Variants in FREM1 observed in about 807,000 individuals in gnomAD.
The protein encoded by FREM1 is FRAS1-related extracellular matrix protein 1.
Under a neutral mutation model 210.1 loss-of-function variants are expected in FREM1, and 220 were observed. The ratio of observed to expected loss-of-function variants is 1.05; its 90% CI spans 0.94 to 1.17. The LOEUF (loss-of-function observed/expected upper bound fraction) is 1.17, where lower values mean the gene tolerates loss of function less well. Among genes scored for constraint, FREM1 ranks in the 50% most tolerant of loss-of-function variants. FREM1 has a pLI of 0.00. For synonymous variants in FREM1, 1,189 were observed against 980.2 expected (o/e 1.21, Z -3.98); for missense variants, 3,454 against 2,675.5 (o/e 1.29, Z -6.42).
At chr9:14,884,915 CTTTTTTTTTT>C (rs745465527) in intron 1 of FREM1, among the ~76,000 whole-genome samples, 1 of 70,408 alleles carries the variant, frequency 1.4e-5, no homozygotes. Flanking sequence ...TTCATCATAG[CTTTTTTTTTT>C]TTTTTTTTTT....
chr9:14,860,874 CGT>C (rs1491246233), intron 3 of FREM1, among the ~76,000 whole-genome samples: 2 of 49,022 alleles, frequency 4.1e-5, no homozygotes, highest in Non-Finnish European at 7.1e-5. Context: ...CATATATATA[CGT>C]ATATATACAC....
chr9:14,805,329 G>A (rs1312315792), intron 18 of FREM1, among the ~76,000 whole-genome samples, 177 bp from the exon 19 acceptor site: 1 of 152,154 alleles, frequency 6.6e-6, no homozygotes, highest in Admixed American at 6.5e-5. Context: ...CAACATAAAG[G>A]CAGATATCCA....
At position 14,859,367 on chromosome 9, in the gene FREM1, G is replaced by A; in HGVS notation, c.447C>T (p.Gly149=). The A allele has an allele frequency of 6.2e-7, 1 of 1,613,918 alleles. No individual in the cohort carries two copies. Among genetic ancestry groups the A allele is most frequent in the South Asian group, 1.1e-5 (1 of 91,076 alleles). The change falls in exon 4 of 37, where the codon GGC becomes GGT. Residue 149 remains glycine, a synonymous_variant. Coordinates refer to ENST00000380880, the MANE Select transcript of FREM1 (RefSeq NM_001379081.2). ...NNVLEVPEFN[G]LSQAIDKNLL... ...GATTTTTATCAATCGCTTGGGACAA[G>A]CCATTGAATTCAGGCACCTCCAGCA...
intron 1 of FREM1, among the ~76,000 whole-genome samples, chr9:14,878,994 TA>T (rs1258016536): frequency 6.6e-6 from 1 of 151,856 alleles, no homozygotes; most frequent in African/African-American, 2.4e-5. Context: ...CTGTCTCTAC[TA>T]AAAATATGAA....
chr9:14,836,884 G>A lies in FREM1; in HGVS notation c.1881+4563C>T, dbSNP rs1258226529. Among the ~76,000 whole-genome samples the A allele has an allele frequency of 1.3e-5, 2 of 152,178 alleles. No individual in the cohort carries two copies. Among genetic ancestry groups the A allele is most frequent in the East Asian group, 1.9e-4 (1 of 5,194 alleles). The stretch of plus-strand genomic sequence containing the variant: ...TGATATTGCCGCAGGGAGGAATGTG[G>A]TAGGAGTTATTAAGAAAAAGAAATT... On this transcript the variant is annotated intron_variant, in intron 10 of 36. Coordinates refer to ENST00000380880, the MANE Select transcript of FREM1 (RefSeq NM_001379081.2). The surrounding 1 kb of genome is among the most constrained non-coding windows in gnomAD (Gnocchi z 4.9).
At chr9:14,821,627 G>A (rs1323420556) in intron 13 of FREM1, among the ~76,000 whole-genome samples, 2 of 152,208 alleles carry the variant, frequency 1.3e-5, no homozygotes, top group Non-Finnish European at 2.9e-5. Flanking sequence ...TCAAAGAATG[G>A]AGTTAGTTTA....
chr9:14,896,840 C>T (rs1325974143), intron 1 of FREM1, among the ~76,000 whole-genome samples: 7 of 152,230 alleles, frequency 4.6e-5, no homozygotes, highest in Admixed American at 6.5e-5. Context: ...TGAAACACTT[C>T]ATTGTGAAAA....
chr9:14,737,485 A>G lies in FREM1; in HGVS notation c.6451T>C (p.Cys2151Arg). The G allele has an allele frequency of 1.2e-6, 2 of 1,613,834 alleles. No homozygotes were observed. The highest frequency in any genetic ancestry group is 1.7e-6 in the Non-Finnish European group (2 of 1,179,796). ...PSQRSKLGKS[C>R]VLVQRQGKWQ... Reference sequence around the variant, plus strand: ...TTCCCTTGTCTTTGAACCAAAACACAGCTCTTTCCAAGCTTGGAGCGTTGA... The same window carrying G: ...TTCCCTTGTCTTTGAACCAAAACACGGCTCTTTCCAAGCTTGGAGCGTTGA... Residue 2151 changes from cysteine to arginine, a missense_variant, in exon 37 of 37, where the codon TGT (cysteine) becomes CGT (arginine). Transcript: ENST00000380880.
At chr9:14,857,473 G>A (rs536440955) in intron 5 of FREM1, 80 bp downstream of exon 5, 3 of 1,193,628 alleles carry the variant, frequency 2.5e-6, no homozygotes, top group East Asian at 2.3e-5. Context: ...CCTGGCATGG[G>A]GGCGAGCATG....
chr9:14,805,054 C>G lies in FREM1; in HGVS notation c.3373G>C (p.Val1125Leu), dbSNP rs367677115. The G allele has an allele frequency of 1.9e-6, 3 of 1,613,002 alleles. No individual in the cohort carries two copies. Among genetic ancestry groups the G allele is most frequent in the Non-Finnish European group, 2.5e-6 (3 of 1,179,034 alleles). ...AAGGAGTGATGCTTCCCATCTGTGACGTACACCGTGAACTGGTCGGCAGTT... is the reference window on the plus strand; with the variant it reads ...AAGGAGTGATGCTTCCCATCTGTGAGGTACACCGTGAACTGGTCGGCAGTT... ...EPTADQFTVY[V>L]TDGKHHSLEI... Residue 1125 changes from valine (V) to leucine (L), a missense_variant, in exon 19 of 37, where the codon GTC (valine) becomes CTC (leucine). By Grantham distance (32) the Val-to-Leu change is conservative. Coordinates refer to ENST00000380880, the MANE Select transcript of FREM1 (RefSeq NM_001379081.2).
At chr9:14,849,765 A>T (rs1342256736) in intron 6 of FREM1, among the ~76,000 whole-genome samples, 1 of 152,204 alleles carries the variant, frequency 6.6e-6, no homozygotes, top group Non-Finnish European at 1.5e-5. Context: ...GAAAAAATTG[A>T]GAGTTACTGT....
At chr9:14,876,003 C>T (rs557124217) in intron 1 of FREM1, among the ~76,000 whole-genome samples, 6 of 152,166 alleles carry the variant, frequency 3.9e-5, no homozygotes, top group Non-Finnish European at 7.3e-5. Flanking sequence ...TTTCGTGAAC[C>T]GCAAATGCTG....
At chr9:14,846,268 C>G (rs559821074) in intron 7 of FREM1, among the ~76,000 whole-genome samples, 177 bp from the exon 8 acceptor site, 92 of 152,218 alleles carry the variant, frequency 6.0e-4, no homozygotes, top group African/African-American at 2.2e-3. Flanking sequence ...AACAGAAAAC[C>G]AAACACCACA....
intron 15 of FREM1, 139 bp downstream of exon 15, chr9:14,816,639 C>A: frequency 2.4e-6 from 1 of 424,532 alleles, no homozygotes; most frequent in Non-Finnish European, 4.1e-6. Context: ...TGCAGCTACC[C>A]AATCTTAGAC....
chr9:14,855,784 A>G (rs1828623404), intron 5 of FREM1, among the ~76,000 whole-genome samples: 1 of 152,188 alleles, frequency 6.6e-6, no homozygotes, highest in Non-Finnish European at 1.5e-5. Flanking sequence ...TAAACTCCCA[A>G]TAAAACAGAT....
intron 25 of FREM1, among the ~76,000 whole-genome samples, chr9:14,772,579 T>C (rs1311979924): frequency 3.3e-5 from 5 of 152,248 alleles, no homozygotes; most frequent in Non-Finnish European, 7.3e-5. Context: ...TCTTGTAGTT[T>C]ATGAATTATT....
Position 14,812,825 on chromosome 9 carries a change from T to C in FREM1, c.2880A>G (p.Thr960=). 1 of 1,609,552 alleles carries C rather than the reference T, an allele frequency of 6.2e-7. No homozygotes were observed. The highest frequency in any genetic ancestry group is 8.5e-7 in the Non-Finnish European group (1 of 1,177,170). The change falls in exon 16 of 37, where the codon ACA becomes ACG. Residue 960 remains threonine (T), a synonymous_variant. Coordinates refer to ENST00000380880, the MANE Select transcript of FREM1 (RefSeq NM_001379081.2). Reference sequence around the variant, plus strand: ...GCTGCTGCTTACCTGTGTGTTTGTATGTCACGGCCTCTGAGATAACATCTC... The same window carrying C: ...GCTGCTGCTTACCTGTGTGTTTGTACGTCACGGCCTCTGAGATAACATCTC... ...SQRDVISEAV[T]YKHTGGEIGL... is the part of the protein sequence containing the mutation.
chr9:14,871,931 C>G (rs1217114758), intron 1 of FREM1, among the ~76,000 whole-genome samples: 1 of 152,096 alleles, frequency 6.6e-6, no homozygotes, highest in Non-Finnish European at 1.5e-5. Context: ...ATCCTTTCCC[C>G]ATTGCTTGTT....
chr9:14,882,550 G>A (rs1834983316), intron 1 of FREM1, among the ~76,000 whole-genome samples: 1 of 150,574 alleles, frequency 6.6e-6, no homozygotes, highest in South Asian at 2.1e-4. Flanking sequence ...AACCTCCTGG[G>A]TTCAAGCAAT....
Sources: allele counts gnomAD v4.1 joint callset (sites outside exome capture counted in the v4.1 genomes callset), GRCh38; gene constraint gnomAD v4.1.1; non-coding constraint Gnocchi (gnomAD v3.1); transcripts MANE v1.5; gene names NCBI Gene and HGNC (gene_info 2026-07-23, HGNC 2026-07-21).